PGBD2: variants seen among roughly 807,000 people sequenced by gnomAD.
PGBD2 encodes the protein piggyBac transposable element-derived protein 2.
PGBD2 carries 6 observed loss-of-function variants against 8.1 expected under a neutral mutation model. The ratio of observed to expected loss-of-function variants is 0.74; its 90% CI spans 0.40 to 1.46. The LOEUF is 1.46. Ranked by LOEUF, PGBD2 falls within the 40% of genes most tolerant of loss-of-function variation. PGBD2 has a pLI of 0.02. For synonymous variants in PGBD2, 318 were observed against 272.2 expected (o/e 1.17, Z -1.66); for missense variants, 802 against 739.0 (o/e 1.09, Z -0.99).
chr1:248,909,310 G>A (rs1204594372), intron 1 of PGBD2, among the ~76,000 whole-genome samples: 1 of 152,158 alleles, frequency 6.6e-6, no homozygotes, highest in African/African-American at 2.4e-5. Flanking sequence ...ATCCCCCTCT[G>A]ACCTGGTTGA....
intron 1 of PGBD2, chr1:248,912,579 A>T (rs1661934456): frequency 6.6e-6 from 1 of 152,222 alleles, no homozygotes; most frequent in South Asian, 2.1e-4. Context: ...TTACTCCAAA[A>T]TATTTCAAAC....
At chr1:248,929,785 T>A in the PGBD2 span, among the ~76,000 whole-genome samples, 1 of 151,830 alleles carries the variant, frequency 6.6e-6, no homozygotes, top group Non-Finnish European at 1.5e-5. Context: ...AGGTGAGGAG[T>A]GTTAGCCACA....
the PGBD2 span, among the ~76,000 whole-genome samples, chr1:248,873,007 C>A: frequency 2.0e-5 from 3 of 151,830 alleles, no homozygotes; most frequent in African/African-American, 7.2e-5. Context: ...TTTTTCCTCA[C>A]ACTCTGTACA....
downstream of PGBD2, among the ~76,000 whole-genome samples, chr1:248,922,972 A>C (rs1397002318): frequency 1.3e-5 from 2 of 152,190 alleles, no homozygotes; most frequent in African/African-American, 4.8e-5. Context: ...CTGGCCTCAT[A>C]AAATGAGTTA....
intron 2 of PGBD2, among the ~76,000 whole-genome samples, chr1:248,916,043 A>G (rs1319897569): frequency 6.6e-6 from 1 of 152,152 alleles, no homozygotes; most frequent in Non-Finnish European, 1.5e-5. Flanking sequence ...TTTAGAGTAC[A>G]TCGTTTAAGA....
chr1:248,913,679 TAACCAGTCG>T (rs1172642336), intron 1 of PGBD2, 128 bp from the exon 2 acceptor site: 1 of 622,018 alleles, frequency 1.6e-6, no homozygotes, highest in African/African-American at 1.8e-5. Context: ...TCCCTCTGAA[TAACCAGTCG>T]ACCCAGACAC....
At chr1:248,895,148 T>G in the PGBD2 span, among the ~76,000 whole-genome samples, 1 of 152,150 alleles carries the variant, frequency 6.6e-6, no homozygotes, top group African/African-American at 2.4e-5. Context: ...CAGCCAGTCA[T>G]TGAACCTGAG....
chr1:248,928,070 G>A, the PGBD2 span, among the ~76,000 whole-genome samples: 1 of 151,970 alleles, frequency 6.6e-6, no homozygotes, highest in African/African-American at 2.4e-5. Context: ...GTTTTTTGTG[G>A]GTTTTTGTTG....
the PGBD2 span, among the ~76,000 whole-genome samples, chr1:248,890,115 C>T: frequency 1.1e-4 from 17 of 151,894 alleles, no homozygotes; most frequent in Admixed American, 7.2e-4. Flanking sequence ...TTAGTAGAGA[C>T]GGGGTTTCTC....
chr1:248,883,584 CTTTTTTTTTTTTT>C, the PGBD2 span, among the ~76,000 whole-genome samples: 22 of 89,142 alleles, frequency 2.5e-4, no homozygotes, highest in African/African-American at 9.8e-4. Context: ...TTTTTTTTTT[CTTTTTTTTTTTTT>C]TTTTTTTTGA....
Position 248,918,839 on chromosome 1 carries a change from TGTATTTA to T in PGBD2, c.*479_*485del, listed in dbSNP as rs997654917. On this transcript the variant is annotated 3_prime_UTR_variant, in exon 3 of 3. Transcript: ENST00000329291. ...CAAACTTTTGAGGGATAATCTGCCT[TGTATTTA>T]GTCAGAGGGCTAGAGGTGCAGATTT... 1 of 167,058 alleles carries T rather than the reference TGTATTTA, an allele frequency of 6.0e-6. No individual in the cohort carries two copies. Among genetic ancestry groups the T allele is most frequent in the Admixed American group, 6.5e-5 (1 of 15,282 alleles). 10.3% of individuals were successfully genotyped at this position (167,058 alleles called of 1,614,324 possible). A position where few individuals can be genotyped will look rare whatever the true frequency, so the allele number is the denominator to read the frequency against.
chr1:248,878,598 G>C, the PGBD2 span, among the ~76,000 whole-genome samples: 1 of 152,062 alleles, frequency 6.6e-6, no homozygotes, highest in Non-Finnish European at 1.5e-5. Flanking sequence ...GAATGTGCTC[G>C]TTTTGTCTAA....
chr1:248,918,267 C>T lies in PGBD2; in HGVS notation c.1683C>T (p.Thr561=), dbSNP rs1662193243. The part of the protein sequence containing the change: ...GHWIIHQDKR[T]RCALCHSQTN... ...GGATTATCCATCAGGACAAGAGGACCCGGTGTGCCCTCTGCCACTCACAGA... is the reference window on the plus strand; with the variant it reads ...GGATTATCCATCAGGACAAGAGGACTCGGTGTGCCCTCTGCCACTCACAGA... The change falls in exon 3 of 3, where the codon ACC becomes ACT. Residue 561 remains threonine, a synonymous_variant. Transcript: ENST00000329291. 3 of 1,611,424 alleles carry T rather than the reference C, an allele frequency of 1.9e-6. No homozygotes were observed. The highest frequency in any genetic ancestry group is 1.7e-5 in the Admixed American group (1 of 59,798).
At chr1:248,920,459 C>T (rs1204837700), downstream of PGBD2, among the ~76,000 whole-genome samples, 3 of 152,204 alleles carry the variant, frequency 2.0e-5, no homozygotes, top group Non-Finnish European at 2.9e-5. Flanking sequence ...ATCCATGTCC[C>T]TGCAAAGGAC....
intron 1 of PGBD2, among the ~76,000 whole-genome samples, chr1:248,913,120 A>G (rs1661971151): frequency 6.6e-6 from 1 of 152,058 alleles, no homozygotes; most frequent in African/African-American, 2.4e-5. Flanking sequence ...CAGATTTTAT[A>G]AAAAGAACTA....
chr1:248,890,038 C>T, the PGBD2 span, among the ~76,000 whole-genome samples: 1 of 151,802 alleles, frequency 6.6e-6, no homozygotes, highest in Middle Eastern at 3.2e-3. Flanking sequence ...AGTGATTCTC[C>T]TGCCTCAGCC....
chr1:248,884,907 C>G, the PGBD2 span, among the ~76,000 whole-genome samples: 1 of 152,128 alleles, frequency 6.6e-6, no homozygotes, highest in African/African-American at 2.4e-5. Context: ...TTTGATATCT[C>G]ATTACCACAA....
chr1:248,916,688 CCAA>C lies in PGBD2; in HGVS notation c.113_115del (p.Asn38del), dbSNP rs1482086381. 2.5e-6 allele frequency: 4 copies of C among 1,614,116 alleles called. No homozygotes were observed. Among genetic ancestry groups the C allele is most frequent in the South Asian group, 1.1e-5 (1 of 91,086 alleles). On this transcript the variant is annotated inframe_deletion, in exon 3 of 3. Coordinates refer to ENST00000329291, the MANE Select transcript of PGBD2 (RefSeq NM_170725.3). ...CTGAATGCTATGGAGGAGGAAGAGT[CCAA>C]CAACAACAGGGAAGAGATTTTCATT...
At chr1:248,874,399 C>G in the PGBD2 span, among the ~76,000 whole-genome samples, 5,292 of 152,238 alleles carry the variant, frequency 0.035, 299 homozygotes, top group African/African-American at 0.12. Context: ...GACTTCTAAA[C>G]AAAGGGCAAA....
Sources: allele counts gnomAD v4.1 joint callset (sites outside exome capture counted in the v4.1 genomes callset), GRCh38; gene constraint gnomAD v4.1.1; transcripts MANE v1.5; gene names NCBI Gene and HGNC (gene_info 2026-07-23, HGNC 2026-07-21).